Variants in CNTN5 observed in about 807,000 individuals in gnomAD.
CNTN5 encodes the protein contactin-5.
CNTN5 carries 77 observed loss-of-function variants against 129.1 expected under a neutral mutation model. The ratio of observed to expected loss-of-function variants is 0.60; its 90% CI spans 0.50 to 0.72. CNTN5 has a LOEUF of 0.72. Ranked by LOEUF, CNTN5 falls within the 30% of genes least tolerant of loss-of-function variation. CNTN5 has a pLI of 0.00. For missense variants in CNTN5, 1,478 were observed against 1,328.8 expected (o/e 1.11, Z -1.75); for synonymous variants, 509 against 465.6 (o/e 1.09, Z -1.20).
At chr11:99,655,727 A>G (rs1041749451) in intron 3 of CNTN5, among the ~76,000 whole-genome samples, 2 of 152,206 alleles carry the variant, frequency 1.3e-5, no homozygotes, top group African/African-American at 2.4e-5. Context: ...ATATACATAC[A>G]TACACCTATA....
intron 6 of CNTN5, among the ~76,000 whole-genome samples, chr11:99,868,986 G>C (rs768550493): frequency 5.3e-5 from 8 of 152,106 alleles, no homozygotes; most frequent in Non-Finnish European, 1.0e-4. Context: ...AATTAAGTTG[G>C]AACGTTCAGA....
chr11:99,726,741 C>A (rs1358449455), intron 3 of CNTN5, among the ~76,000 whole-genome samples: 1 of 151,990 alleles, frequency 6.6e-6, no homozygotes, highest in Non-Finnish European at 1.5e-5. Flanking sequence ...TGGACACAGG[C>A]TATTATTTTA....
At chr11:99,465,130 A>T (rs1168189933) in intron 2 of CNTN5, among the ~76,000 whole-genome samples, 1 of 152,200 alleles carries the variant, frequency 6.6e-6, no homozygotes, top group Non-Finnish European at 1.5e-5. Flanking sequence ...AATGCTTTTG[A>T]GTAAAGTAGA....
chr11:100,225,709 G>A (rs747204045), intron 16 of CNTN5, among the ~76,000 whole-genome samples: 34 of 151,992 alleles, frequency 2.2e-4, no homozygotes, highest in Non-Finnish European at 4.4e-4. Context: ...CATCTTATAC[G>A]ATTATATTTT....
At chr11:99,808,216 A>G (rs914491259) in intron 3 of CNTN5, among the ~76,000 whole-genome samples, 2 of 152,194 alleles carry the variant, frequency 1.3e-5, no homozygotes, top group Non-Finnish European at 2.9e-5. Context: ...ATATTGTGCA[A>G]ATACTATGGA....
At chr11:99,540,825 A>C (rs1591247167) in intron 2 of CNTN5, among the ~76,000 whole-genome samples, 1 of 152,310 alleles carries the variant, frequency 6.6e-6, no homozygotes, top group Admixed American at 6.5e-5. Flanking sequence ...GGAATGAATG[A>C]AAATCTAGGG....
At chr11:99,877,056 A>G (rs1371648316) in intron 6 of CNTN5, among the ~76,000 whole-genome samples, 3 of 152,206 alleles carry the variant, frequency 2.0e-5, no homozygotes, top group Admixed American at 6.5e-5. Context: ...ATTAGATGCC[A>G]TGATATAGAT....
At chr11:99,027,858 G>A (rs948520996) in intron 1 of CNTN5, among the ~76,000 whole-genome samples, 1 of 151,642 alleles carries the variant, frequency 6.6e-6, no homozygotes, top group Non-Finnish European at 1.5e-5. Context: ...TTTAAACACT[G>A]AATATTTAAA....
chr11:100,001,538 C>T lies in CNTN5; in HGVS notation c.878-496C>T, dbSNP rs142918748. Among the ~76,000 whole-genome samples the T allele has an allele frequency of 1.1e-4, 16 of 152,250 alleles. No homozygotes were observed. The East Asian group carries it at 2.7e-3, about 26-fold the overall frequency. On this transcript the variant is annotated intron_variant, in intron 8 of 24. Coordinates refer to ENST00000524871, the MANE Select transcript of CNTN5 (RefSeq NM_014361.4). ...AGCTTTTCTCCCATACTTGAGTGTA[C>T]AGTATGTTGTTTCTCTCTTTAAGAA...
At chr11:100,201,341 CAA>C in intron 15 of CNTN5, among the ~76,000 whole-genome samples, 1 of 137,196 alleles carries the variant, frequency 7.3e-6, no homozygotes. Context: ...CTTCAGAAGG[CAA>C]AAAAAAAAAG....
chr11:99,657,255 T>C (rs1435184715), intron 3 of CNTN5, among the ~76,000 whole-genome samples: 5 of 152,102 alleles, frequency 3.3e-5, no homozygotes, highest in African/African-American at 7.2e-5. Context: ...CCAGAAGTGT[T>C]TGAAAAACAT....
At chr11:99,123,068 G>A (rs1358105967) in intron 1 of CNTN5, among the ~76,000 whole-genome samples, 2 of 152,034 alleles carry the variant, frequency 1.3e-5, no homozygotes, top group Non-Finnish European at 2.9e-5. Context: ...CCCCAAAATG[G>A]GATTACTGGG....
At chr11:100,127,651 CT>C (rs66468227) in intron 13 of CNTN5, among the ~76,000 whole-genome samples, 101 of 81,282 alleles carry the variant, frequency 1.2e-3, no homozygotes, top group East Asian at 4.6e-3. Context: ...TTCTTTCTTT[CT>C]TTTTTTTTTT....
intron 1 of CNTN5, among the ~76,000 whole-genome samples, chr11:99,107,328 T>A (rs1207753924): frequency 1.3e-5 from 2 of 152,194 alleles, no homozygotes; most frequent in Non-Finnish European, 2.9e-5. Flanking sequence ...TATGCAAAAT[T>A]AAGATTAAAA....
chr11:99,658,045 C>A lies in CNTN5; in HGVS notation c.55+101776C>A, dbSNP rs1306028035. ...TTTATTAATTTAAATATTTATGAAT[C>A]TTTAAGTTGTATCAAACACCTTTTT... On this transcript the variant is annotated intron_variant, in intron 3 of 24. Transcript: ENST00000524871. Among the ~76,000 whole-genome samples, 4 of 151,956 alleles carry A rather than the reference C, an allele frequency of 2.6e-5. No homozygotes were observed. In the East Asian group the frequency reaches 7.7e-4, roughly 29 times the overall value.
At chr11:100,300,087 G>A (rs1020173941) in intron 20 of CNTN5, among the ~76,000 whole-genome samples, 2 of 151,402 alleles carry the variant, frequency 1.3e-5, no homozygotes, top group African/African-American at 4.8e-5. Flanking sequence ...TAATTCACAA[G>A]ATAGAACTCA....
intron 13 of CNTN5, among the ~76,000 whole-genome samples, chr11:100,178,234 C>A (rs1052555666): frequency 1.3e-5 from 2 of 152,156 alleles, no homozygotes; most frequent in Non-Finnish European, 2.9e-5. Context: ...AACTCGTTTT[C>A]CTAAAAGCAA....
intron 10 of CNTN5, among the ~76,000 whole-genome samples, chr11:100,062,176 A>T (rs1354008113): frequency 6.6e-6 from 1 of 152,180 alleles, no homozygotes; most frequent in Non-Finnish European, 1.5e-5. Flanking sequence ...AGGACACTAA[A>T]AAGAGAAGCA....
intron 2 of CNTN5, among the ~76,000 whole-genome samples, chr11:99,421,673 G>A (rs1444888950): frequency 6.6e-6 from 1 of 152,062 alleles, no homozygotes; most frequent in South Asian, 2.1e-4. Context: ...AAAATATTAT[G>A]AGCTTTATAA....
Sources: allele counts gnomAD v4.1 joint callset (sites outside exome capture counted in the v4.1 genomes callset), GRCh38; gene constraint gnomAD v4.1.1; transcripts MANE v1.5; gene names NCBI Gene and HGNC (gene_info 2026-07-23, HGNC 2026-07-21).